SEMA5A: variants seen among roughly 807,000 people sequenced by gnomAD.
SEMA5A encodes semaphorin 5A, also known as semaphorin-5A.
SEMA5A carries 55 observed loss-of-function variants against 135.5 expected under a neutral mutation model. The ratio of observed to expected loss-of-function variants is 0.41; its 90% CI spans 0.33 to 0.51. The LOEUF is 0.51. Among genes scored for constraint, SEMA5A ranks in the 20% least tolerant of loss-of-function variants. The probability of loss-of-function intolerance (pLI) is 0.37; values close to 1 mark genes in which losing one functional copy is unlikely to be tolerated. For missense variants in SEMA5A, 1,290 were observed against 1,419.9 expected (o/e 0.91, Z 1.47); for synonymous variants, 580 against 546.5 (o/e 1.06, Z -0.85).
chr5:9,435,600 C>T (rs191048571), intron 2 of SEMA5A, among the ~76,000 whole-genome samples: 147 of 152,304 alleles, frequency 9.7e-4, no homozygotes, highest in African/African-American at 3.4e-3. Context: ...GTCCCCGAAA[C>T]ACTCTCATTC....
At chr5:9,221,600 C>A (rs1387718446) in intron 8 of SEMA5A, among the ~76,000 whole-genome samples, 1 of 152,068 alleles carries the variant, frequency 6.6e-6, no homozygotes, top group African/African-American at 2.4e-5. Flanking sequence ...CCGCGCCTGG[C>A]CCCCCGAACA....
At chr5:9,303,010 C>G (rs1277886137) in intron 5 of SEMA5A, among the ~76,000 whole-genome samples, 1 of 151,810 alleles carries the variant, frequency 6.6e-6, no homozygotes, top group Non-Finnish European at 1.5e-5. Flanking sequence ...ATGAAAAATC[C>G]AAACCACTCA....
chr5:9,388,321 G>A (rs1323434523), intron 2 of SEMA5A, among the ~76,000 whole-genome samples: 1 of 151,966 alleles, frequency 6.6e-6, no homozygotes, highest in East Asian at 1.9e-4. Context: ...TCGCCTGGAG[G>A]AACGATAAAA....
At chr5:9,044,878 G>A (rs1297885136) in intron 21 of SEMA5A, among the ~76,000 whole-genome samples, 2 of 152,004 alleles carry the variant, frequency 1.3e-5, no homozygotes, top group Non-Finnish European at 2.9e-5. Flanking sequence ...TCTACCTCCT[G>A]GGTTCAAGCG....
intron 12 of SEMA5A, among the ~76,000 whole-genome samples, chr5:9,138,442 C>T (rs537676095): frequency 2.8e-4 from 43 of 152,262 alleles, no homozygotes; most frequent in African/African-American, 7.7e-4. Context: ...ATTGTGCACG[C>T]GGTTTCGCAT....
chr5:9,052,131 C>A, intron 19 of SEMA5A, 103 bp from the exon 20 acceptor site: 1 of 1,263,686 alleles, frequency 7.9e-7, no homozygotes, highest in Non-Finnish European at 1.1e-6. Context: ...TTCCAGGATT[C>A]CATAGCATAT....
At chr5:9,343,303 G>A (rs550875144) in intron 3 of SEMA5A, among the ~76,000 whole-genome samples, 18 of 152,234 alleles carry the variant, frequency 1.2e-4, no homozygotes, top group African/African-American at 3.9e-4. Flanking sequence ...AAATCAGAAC[G>A]TAGGAATGAT....
intron 1 of SEMA5A, among the ~76,000 whole-genome samples, chr5:9,439,407 C>T (rs1170394030): frequency 1.3e-5 from 2 of 152,186 alleles, no homozygotes; most frequent in Non-Finnish European, 2.9e-5. Context: ...ACTAAAATGT[C>T]CTTGTAGTTG....
chr5:9,337,523 A>G (rs140936335), intron 4 of SEMA5A, among the ~76,000 whole-genome samples, 190 bp downstream of exon 4: 3 of 152,260 alleles, frequency 2.0e-5, no homozygotes, highest in Non-Finnish European at 4.4e-5. Context: ...ATCAATGCTT[A>G]CTCTAACGGG....
At chr5:9,085,006 A>G (rs1738600406) in intron 16 of SEMA5A, among the ~76,000 whole-genome samples, 1 of 152,086 alleles carries the variant, frequency 6.6e-6, no homozygotes, top group South Asian at 2.1e-4. Flanking sequence ...TAGCAAAGAG[A>G]CTGGTGGCAT....
chr5:9,146,295 C>A (rs1742331106), intron 12 of SEMA5A, among the ~76,000 whole-genome samples: 1 of 152,128 alleles, frequency 6.6e-6, no homozygotes, highest in Non-Finnish European at 1.5e-5. Context: ...TTACTTTCTG[C>A]CATTTCTCTA....
At chr5:9,278,329 G>A (rs1750370419) in intron 5 of SEMA5A, among the ~76,000 whole-genome samples, 1 of 152,090 alleles carries the variant, frequency 6.6e-6, no homozygotes, top group Non-Finnish European at 1.5e-5. Flanking sequence ...TTCAAGAGGT[G>A]ATCTGATTGT....
intron 2 of SEMA5A, among the ~76,000 whole-genome samples, chr5:9,395,684 T>C (rs546710593): frequency 6.6e-6 from 1 of 152,202 alleles, no homozygotes; most frequent in Non-Finnish European, 1.5e-5. Context: ...GCTAGGTAAA[T>C]AGAACACACC....
chr5:9,224,855 G>T lies in SEMA5A; in HGVS notation c.465C>A (p.Ile155=), dbSNP rs753936588. Residue 155 remains isoleucine (I), a synonymous_variant, in exon 8 of 23, where the codon ATC becomes ATA. Coordinates refer to ENST00000382496, the MANE Select transcript of SEMA5A (RefSeq NM_003966.3). ...TGTAGGGACAGCGGGCCATGCCACT[G>T]ATCTGATCATGGATCTCAGTCAGGT... ...LSNLTEIHDQ[I]SGMARCPYSP... 6.2e-7 allele frequency: 1 copy of T among 1,613,786 alleles called. No homozygotes were observed. The highest frequency in any genetic ancestry group is 8.5e-7 in the Non-Finnish European group (1 of 1,179,936).
chr5:9,310,459 AT>A (rs1464111365), intron 5 of SEMA5A, among the ~76,000 whole-genome samples: 3 of 152,156 alleles, frequency 2.0e-5, no homozygotes, highest in African/African-American at 4.8e-5. Context: ...AGGCAAAAAA[AT>A]AAATGAGCTC....
chr5:9,403,425 C>T (rs1756748608), intron 2 of SEMA5A, among the ~76,000 whole-genome samples: 1 of 152,080 alleles, frequency 6.6e-6, no homozygotes, highest in African/African-American at 2.4e-5. Context: ...CCACTAGGCA[C>T]CCGAGTTTAA....
rs558978071 is a variant in SEMA5A, at chr5:9,521,224, A to T, written c.-175+24360T>A. Among the ~76,000 whole-genome samples, 27 of 152,294 alleles carry T rather than the reference A, an allele frequency of 1.8e-4. No individual in the cohort carries two copies. The South Asian group carries it at 4.6e-3, about 26-fold the overall frequency. ...CAGGAGTTCGAGACCAGCCTGGCCA[A>T]CATGGCGAAACCCCATCTCTACTAA... On this transcript the variant is annotated intron_variant, in intron 1 of 22. Transcript: ENST00000382496.
intron 2 of SEMA5A, among the ~76,000 whole-genome samples, chr5:9,420,077 C>T (rs537988877): frequency 6.6e-6 from 1 of 152,170 alleles, no homozygotes; most frequent in Admixed American, 6.5e-5. Flanking sequence ...TGAACTATTT[C>T]ATTTCTCCAC....
chr5:9,390,832 T>C (rs1426220540), intron 2 of SEMA5A: 1 of 152,200 alleles, frequency 6.6e-6, no homozygotes, highest in Non-Finnish European at 1.5e-5. Context: ...ATAAAAAAGA[T>C]GCAAAAAATC....
Sources: gnomAD v4.1 joint callset for allele counts (sites outside exome capture counted in the v4.1 genomes callset) on GRCh38, gnomAD v4.1.1 for gene constraint, MANE v1.5 for transcripts, NCBI Gene and HGNC (gene_info 2026-07-23, HGNC 2026-07-21) for gene names.